The following SASH1 variants were observed in gnomAD, a reference collection of about 807,000 sequenced individuals.
SASH1 encodes SAM and SH3 domain-containing protein 1.
Under a neutral mutation model 125.2 loss-of-function variants are expected in SASH1, and 44 were observed. The ratio of observed to expected loss-of-function variants is 0.35; its 90% CI spans 0.28 to 0.45. The LOEUF is 0.45. Among genes scored for constraint, SASH1 ranks in the 20% least tolerant of loss-of-function variants. SASH1 has a pLI of 1.00. For synonymous variants in SASH1, 639 were observed against 649.1 expected, an observed-to-expected ratio of 0.98 and a Z score of 0.24; for missense variants, 1,426 against 1,614.5, an observed-to-expected ratio of 0.88 and a Z score of 2.00.
chr6:148,425,580 T>G (rs1287441758), intron 2 of SASH1, among the ~76,000 whole-genome samples: 1 of 152,150 alleles, frequency 6.6e-6, no homozygotes, highest in East Asian at 1.9e-4. Flanking sequence ...TTCAAAGAAG[T>G]AAGCTCAACA....
At chr6:148,542,474 C>G (rs536165100) in intron 17 of SASH1, among the ~76,000 whole-genome samples, 3 of 152,300 alleles carry the variant, frequency 2.0e-5, no homozygotes, top group Admixed American at 2.0e-4. Context: ...GCAAGGTCCA[C>G]CTCCCGGGTT....
At chr6:148,232,547 G>C in the SASH1 span, among the ~76,000 whole-genome samples, 1 of 152,106 alleles carries the variant, frequency 6.6e-6, no homozygotes, top group Admixed American at 6.5e-5. Context: ...CGGTGTTGTC[G>C]GGTATGTTAA....
rs1198715159 is a variant in SASH1, at chr6:148,544,975, G to A, written c.3348+157G>A. On this transcript the variant is annotated intron_variant, in intron 18 of 19. Coordinates refer to ENST00000367467, the MANE Select transcript of SASH1 (RefSeq NM_015278.5). This position sits in a 1 kb window ranked among gnomAD's most constrained non-coding sequence, Gnocchi z 6.4. Reference sequence around the variant, plus strand: ...TGTCCACACCTTACTTGACATGCATGTGTTCAGATATTGACACCACCCCAT... The same window carrying A: ...TGTCCACACCTTACTTGACATGCATATGTTCAGATATTGACACCACCCCAT... Among the ~76,000 whole-genome samples, 2 of 152,166 alleles carry A rather than the reference G, an allele frequency of 1.3e-5. No homozygotes were observed. The highest frequency in any genetic ancestry group is 3.9e-4 in the East Asian group (2 of 5,188).
the SASH1 span, among the ~76,000 whole-genome samples, chr6:148,193,745 C>T: frequency 2.0e-5 from 3 of 152,176 alleles, no homozygotes; most frequent in Admixed American, 2.0e-4. Context: ...TTGCTTATTA[C>T]TTTAAGTGAA....
chr6:148,494,227 T>G (rs1046610834), intron 8 of SASH1, among the ~76,000 whole-genome samples: 4 of 152,126 alleles, frequency 2.6e-5, no homozygotes, highest in Admixed American at 2.0e-4. Context: ...TATTTAAAAT[T>G]TTTTAAGAAT....
chr6:148,508,575 G>A (rs1370388708), intron 8 of SASH1: 2 of 1,116,724 alleles, frequency 1.8e-6, no homozygotes, highest in Non-Finnish European at 2.2e-6. Context: ...GCTTAGAGCT[G>A]ATGACTTATG....
At chr6:148,513,391 A>C in intron 8 of SASH1, 1 of 985,458 alleles carries the variant, frequency 1.0e-6, no homozygotes, top group Non-Finnish European at 1.2e-6. Context: ...CCCGTGTTGC[A>C]CACTCGTTTA....
the SASH1 span, among the ~76,000 whole-genome samples, chr6:148,248,379 A>G: frequency 1.3e-4 from 20 of 152,216 alleles, no homozygotes; most frequent in African/African-American, 4.8e-4. Flanking sequence ...TGTTATTAAA[A>G]GAAGAAAGAA....
At chr6:148,247,696 A>T in the SASH1 span, among the ~76,000 whole-genome samples, 1 of 152,242 alleles carries the variant, frequency 6.6e-6, no homozygotes, top group African/African-American at 2.4e-5. Context: ...ATAAACCTTT[A>T]TGAGTAAAAA....
chr6:148,243,635 C>T, the SASH1 span, among the ~76,000 whole-genome samples: 8 of 69,804 alleles, frequency 1.1e-4, no homozygotes, highest in Admixed American at 4.1e-4. Context: ...CAGAGTAAAA[C>T]TGTGAAACTG....
At chr6:148,225,270 T>C in the SASH1 span, among the ~76,000 whole-genome samples, 2 of 152,238 alleles carry the variant, frequency 1.3e-5, no homozygotes, top group Non-Finnish European at 2.9e-5. Context: ...AGAAGTAATT[T>C]ATGAAGAATA....
At chr6:148,195,672 C>T in the SASH1 span, among the ~76,000 whole-genome samples, 8 of 152,336 alleles carry the variant, frequency 5.3e-5, no homozygotes, top group South Asian at 1.7e-3. Flanking sequence ...AGAGCTAAGT[C>T]AGCAGCCCCA....
intron 16 of SASH1, among the ~76,000 whole-genome samples, chr6:148,537,396 C>CTCTT (rs957361751): frequency 6.6e-5 from 10 of 152,172 alleles, no homozygotes; most frequent in Non-Finnish European, 1.5e-4. Flanking sequence ...AAATGAAAGC[C>CTCTT]TCTTACAAAT....
intron 2 of SASH1, among the ~76,000 whole-genome samples, chr6:148,403,531 G>A (rs1039745543): frequency 2.6e-5 from 4 of 152,082 alleles, no homozygotes; most frequent in African/African-American, 9.7e-5. Flanking sequence ...TAACAGCTGG[G>A]TTTTTGTTTT....
At chr6:148,341,608 A>C (rs1038605646), upstream of SASH1, among the ~76,000 whole-genome samples, 9 of 152,186 alleles carry the variant, frequency 5.9e-5, no homozygotes, top group Admixed American at 1.3e-4. Context: ...TACTTGAACA[A>C]GGGGAATTCA....
At chr6:148,528,031 T>C (rs1781298307) in intron 12 of SASH1, among the ~76,000 whole-genome samples, 1 of 151,502 alleles carries the variant, frequency 6.6e-6, no homozygotes, top group African/African-American at 2.4e-5. Flanking sequence ...TAGCATAAGT[T>C]GTTCTAGAAG....
the SASH1 span, among the ~76,000 whole-genome samples, chr6:148,255,796 C>T: frequency 7.4e-4 from 113 of 152,178 alleles, no homozygotes; most frequent in African/African-American, 2.4e-3. Context: ...GTGTGTGCCA[C>T]CATGCCCAGC....
Position 148,543,916 on chromosome 6 carries a change from G to A in SASH1, c.2446G>A (p.Val816Ile). 1 of 1,614,212 alleles carries A rather than the reference G, an allele frequency of 6.2e-7. No individual in the cohort carries two copies. Among genetic ancestry groups the A allele is most frequent in the Non-Finnish European group, 8.5e-7 (1 of 1,180,042 alleles). Reference sequence around the variant, plus strand: ...GAATAAAAACCGAAGAAGCCTCCCAGTTTCCATCTGCCGGAGCTGTGAGAC... The same window carrying A: ...GAATAAAAACCGAAGAAGCCTCCCAATTTCCATCTGCCGGAGCTGTGAGAC... ...GLNKNRRSLP[V>I]SICRSCETLE... Residue 816 changes from valine to isoleucine, a missense_variant, in exon 18 of 20, where the codon GTT (valine) becomes ATT (isoleucine). Val to Ile is a conservative substitution (Grantham distance 29). Coordinates refer to ENST00000367467, the MANE Select transcript of SASH1 (RefSeq NM_015278.5).
At chr6:148,274,747 T>C (rs921210835) in intron 1 of SASH1, among the ~76,000 whole-genome samples, 6 of 152,192 alleles carry the variant, frequency 3.9e-5, no homozygotes, top group Admixed American at 3.3e-4. Context: ...ACCTGATTAA[T>C]TTATCAACCT....
Sources: allele counts gnomAD v4.1 joint callset (sites outside exome capture counted in the v4.1 genomes callset), GRCh38; gene constraint gnomAD v4.1.1; non-coding constraint Gnocchi (gnomAD v3.1); transcripts MANE v1.5; gene names NCBI Gene and HGNC (gene_info 2026-07-23, HGNC 2026-07-21).